The following NEK2 variants were observed in gnomAD, a reference collection of about 807,000 sequenced individuals.
NEK2 encodes the protein serine/threonine-protein kinase Nek2.
Under a neutral mutation model 54.1 loss-of-function variants are expected in NEK2, and 28 were observed. The ratio of observed to expected loss-of-function variants is 0.52; its 90% CI spans 0.38 to 0.71. NEK2 has a LOEUF of 0.71. Ranked by LOEUF, NEK2 falls within the 30% of genes least tolerant of loss-of-function variation. The pLI, the probability that NEK2 is intolerant of heterozygous loss-of-function variation, is 0.00. For missense variants in NEK2, 407 were observed against 531.5 expected (o/e 0.77, Z 2.30); for synonymous variants, 176 against 193.1 (o/e 0.91, Z 0.73).
chr1:211,660,363 C>G, downstream of NEK2: 2 of 584,430 alleles, frequency 3.4e-6, no homozygotes, highest in South Asian at 3.1e-5. Flanking sequence ...TCTCCTGGAC[C>G]ACCTTCTTGG....
chr1:211,660,911 G>A, downstream of NEK2: 1 of 737,704 alleles, frequency 1.4e-6, no homozygotes, highest in South Asian at 1.4e-5. Flanking sequence ...CAGCAGATCT[G>A]TCCCCAGTGG....
Position 211,675,597 on chromosome 1 carries a change from G to C in NEK2, c.-118C>G, listed in dbSNP as rs555801828. Reference sequence around the variant, plus strand: ...AGAAGCCCCCGAGCAGCACTGACCCGCCACCCCTGCCTTGGGCCCCGTTTA... The same window carrying C: ...AGAAGCCCCCGAGCAGCACTGACCCCCCACCCCTGCCTTGGGCCCCGTTTA... On this transcript the variant is annotated 5_prime_UTR_variant, in exon 1 of 8. Coordinates refer to ENST00000366999, the MANE Select transcript of NEK2 (RefSeq NM_002497.4). 1.4e-6 allele frequency: 1 copy of C among 734,442 alleles called. No homozygotes were observed. Among genetic ancestry groups the C allele is most frequent in the South Asian group, 1.8e-5 (1 of 56,874 alleles). The allele number at this position is 734,442 out of a possible 1,614,324, so 45.5% of individuals were successfully genotyped here. A position where few individuals can be genotyped will look rare whatever the true frequency, so the allele number is the denominator to read the frequency against.
At chr1:211,670,155 A>G in intron 5 of NEK2, 126 bp downstream of exon 5, 1 of 1,030,258 alleles carries the variant, frequency 9.7e-7, no homozygotes, top group South Asian at 2.1e-5. Context: ...GTGTTAACAC[A>G]GTAAATTTAG....
chr1:211,661,849 C>T (rs1655025709), downstream of NEK2, among the ~76,000 whole-genome samples: 1 of 152,074 alleles, frequency 6.6e-6, no homozygotes, highest in South Asian at 2.1e-4. Context: ...TTAAGGCAAG[C>T]GTGGCACTAT....
At chr1:211,660,202 T>C (rs542477399), downstream of NEK2, 58 of 309,376 alleles carry the variant, frequency 1.9e-4, 2 homozygotes, top group South Asian at 2.3e-3. Context: ...CTTTTTCCGC[T>C]TGTAGATTTT....
intron 1 of NEK2, among the ~76,000 whole-genome samples, chr1:211,675,125 C>T (rs1053737831): frequency 6.6e-6 from 1 of 152,112 alleles, no homozygotes; most frequent in Non-Finnish European, 1.5e-5. Context: ...AATGGAAGGT[C>T]CTTAGCAAGC....
chr1:211,671,002 C>T (rs556130289), intron 4 of NEK2, among the ~76,000 whole-genome samples, 200 bp downstream of exon 4: 1 of 152,338 alleles, frequency 6.6e-6, no homozygotes, highest in African/African-American at 2.4e-5. Flanking sequence ...ACAGTCAAGA[C>T]CCAGCCTCAT....
intron 5 of NEK2, 70 bp downstream of exon 5, chr1:211,670,209 CAA>C: frequency 1.4e-6 from 2 of 1,421,918 alleles, no homozygotes; most frequent in South Asian, 1.3e-5. Context: ...CATTGATCTA[CAA>C]GAGAGAATGT....
chr1:211,670,422 G>A lies in NEK2; in HGVS notation c.639-15C>T, dbSNP rs1181088020. On this transcript the variant is annotated splice_polypyrimidine_tract_variant and intron_variant, in intron 4 of 7. Transcript: ENST00000366999. ...TAAATGGAGGCCTAGGGTTAAAAAA[G>A]AAGAAGAAGACGACGAAGACATTTT... The A allele has an allele frequency of 6.3e-7, 1 of 1,589,740 alleles. No individual in the cohort carries two copies. The highest frequency in any genetic ancestry group is 1.4e-5 in the African/African-American group (1 of 73,260).
intron 6 of NEK2, among the ~76,000 whole-genome samples, chr1:211,668,630 A>G (rs1445736135): frequency 2.6e-5 from 4 of 152,150 alleles, no homozygotes; most frequent in African/African-American, 4.8e-5. Context: ...TCAAAAATAA[A>G]AAGTTAAAAA....
At position 211,675,580 on chromosome 1, in the gene NEK2, C is replaced by T; in HGVS notation, c.-101G>A. 1.1e-6 allele frequency: 1 copy of T among 917,598 alleles called. No homozygotes were observed. Among genetic ancestry groups the T allele is most frequent in the African/African-American group, 1.6e-5 (1 of 60,862 alleles). 56.8% of individuals were successfully genotyped at this position (917,598 alleles called of 1,614,324 possible). On this transcript the variant is annotated 5_prime_UTR_variant, in exon 1 of 8. Transcript: ENST00000366999. Reference sequence around the variant, plus strand: ...TCCAGGGACCTGGATGGAGAAGCCCCCGAGCAGCACTGACCCGCCACCCCT... The same window carrying T: ...TCCAGGGACCTGGATGGAGAAGCCCTCGAGCAGCACTGACCCGCCACCCCT...
chr1:211,658,995 TTACTGAGGATGCTTCAATGTTTTTATG>T (rs1249429437), downstream of NEK2, among the ~76,000 whole-genome samples: 1 of 152,124 alleles, frequency 6.6e-6, no homozygotes, highest in Admixed American at 6.5e-5. Flanking sequence ...ACCTCTTCAC[TTACTGAGGATGCTTCAATGTTTTTATG>T]TACAGGAACA....
At chr1:211,670,204 A>T in intron 5 of NEK2, 77 bp downstream of exon 5, 1 of 1,365,700 alleles carries the variant, frequency 7.3e-7, no homozygotes, top group South Asian at 1.4e-5. Flanking sequence ...GTCTCCATTG[A>T]TCTACAAGAG....
At position 211,673,529 on chromosome 1, in the gene NEK2, G is replaced by T. The variant is rs759517583; in HGVS notation, c.509C>A (p.Thr170Lys). Residue 170 changes from threonine to lysine, a missense_variant, in exon 3 of 8, where the codon ACG (threonine) becomes AAG (lysine). Physicochemically the swap from Thr to Lys is moderately conservative, Grantham distance 78. Transcript: ENST00000366999. The stretch of plus-strand genomic sequence containing the variant: ...GCCAACAAATGTTTTTGCAAAACTC[G>T]TGTCATGGTTTAATATTCTAGCTAG... ...FGLARILNHD[T>K]SFAKTFVGTP... is the part of the protein sequence containing the mutation. 6.2e-6 allele frequency: 10 copies of T among 1,613,940 alleles called. No homozygotes were observed. Among genetic ancestry groups the T allele is most frequent in the Non-Finnish European group, 8.5e-6 (10 of 1,179,864 alleles).
chr1:211,660,914 C>T, downstream of NEK2: 1 of 738,552 alleles, frequency 1.4e-6, no homozygotes, highest in Admixed American at 1.8e-5. Flanking sequence ...CAGATCTGTC[C>T]CCAGTGGGTG....
downstream of NEK2, among the ~76,000 whole-genome samples, chr1:211,661,479 A>G (rs912535508): frequency 6.6e-6 from 1 of 152,236 alleles, no homozygotes; most frequent in African/African-American, 2.4e-5. Flanking sequence ...TGGGGATTCA[A>G]TCGAAAGCTA....
In NEK2 at chr1:211,674,533, G is replaced by A; in HGVS notation, c.97-20C>T. 1 of 1,555,374 alleles carries A rather than the reference G, an allele frequency of 6.4e-7. No homozygotes were observed. The highest frequency in any genetic ancestry group is 8.8e-7 in the Non-Finnish European group (1 of 1,139,644). The stretch of plus-strand genomic sequence containing the variant: ...TAATATCTGAAATAAGAATTTCCAA[G>A]GTATGAATGAACTCATTATGCTCAA... On this transcript the variant is annotated intron_variant, in intron 1 of 7. Transcript: ENST00000366999.
chr1:211,667,782 A>G (rs1448635995), intron 6 of NEK2, among the ~76,000 whole-genome samples: 1 of 152,246 alleles, frequency 6.6e-6, no homozygotes, highest in Non-Finnish European at 1.5e-5. Flanking sequence ...ACAGTGGCTC[A>G]CGCCTGTAAT....
At chr1:211,659,306 G>C (rs1347645989), downstream of NEK2, among the ~76,000 whole-genome samples, 1 of 152,078 alleles carries the variant, frequency 6.6e-6, no homozygotes, top group Non-Finnish European at 1.5e-5. Context: ...TAGTCCATAA[G>C]AGCTGGCCAA....
Sources: gnomAD v4.1 joint callset for allele counts (sites outside exome capture counted in the v4.1 genomes callset) on GRCh38, gnomAD v4.1.1 for gene constraint, MANE v1.5 for transcripts, NCBI Gene and HGNC (gene_info 2026-07-23, HGNC 2026-07-21) for gene names.